EPHA3: variants seen among roughly 807,000 people sequenced by gnomAD.
EPHA3 encodes ephrin type-A receptor 3.
Under a neutral mutation model 107.1 loss-of-function variants are expected in EPHA3, and 42 were observed. The ratio of observed to expected loss-of-function variants is 0.39; its 90% confidence interval spans 0.31 to 0.51. The LOEUF (loss-of-function observed/expected upper bound fraction) is 0.51, where lower values mean the gene tolerates loss of function less well. Ranked by LOEUF, EPHA3 falls within the 20% of genes least tolerant of loss-of-function variation. The pLI, the probability that EPHA3 is intolerant of heterozygous loss-of-function variation, is 0.78. For missense variants in EPHA3, 1,183 were observed against 1,211.2 expected, an observed-to-expected ratio of 0.98 and a Z score of 0.35; for synonymous variants, 461 against 424.8, an observed-to-expected ratio of 1.09 and a Z score of -1.05.
chr3:89,248,488 G>A (rs553483887), intron 3 of EPHA3, among the ~76,000 whole-genome samples: 14 of 152,008 alleles, frequency 9.2e-5, no homozygotes, highest in East Asian at 3.9e-4. Context: ...ATTTCTCTTC[G>A]GCTAATATTT....
intron 15 of EPHA3, among the ~76,000 whole-genome samples, chr3:89,466,819 C>A (rs1443186169): frequency 2.9e-5 from 3 of 102,034 alleles, no homozygotes; most frequent in Admixed American, 9.3e-5. Flanking sequence ...AGCTGTAGAC[C>A]GGAGCTGTTC....
chr3:89,336,015 C>G (rs950800044), intron 3 of EPHA3, among the ~76,000 whole-genome samples: 6 of 152,124 alleles, frequency 3.9e-5, no homozygotes, highest in African/African-American at 1.4e-4. Flanking sequence ...ATAGCTGGGG[C>G]TTTGTATTTT....
intron 2 of EPHA3, among the ~76,000 whole-genome samples, chr3:89,173,194 A>G (rs1705245763): frequency 1.3e-5 from 2 of 152,106 alleles, no homozygotes; most frequent in African/African-American, 4.8e-5. Context: ...AGATGCATCA[A>G]GTATTGAATT....
intron 7 of EPHA3, among the ~76,000 whole-genome samples, chr3:89,406,946 A>G (rs1453897752): frequency 6.6e-6 from 1 of 152,156 alleles, no homozygotes; most frequent in Non-Finnish European, 1.5e-5. Context: ...TGGTTCATTC[A>G]ACGAGTTTTT....
intron 2 of EPHA3, among the ~76,000 whole-genome samples, chr3:89,180,073 G>T (rs1160963174): frequency 6.6e-6 from 1 of 151,526 alleles, no homozygotes; most frequent in East Asian, 1.9e-4. Flanking sequence ...GTAGTTGAGG[G>T]TGTTTAGAAA....
At chr3:89,309,882 C>T (rs73846138) in intron 3 of EPHA3, among the ~76,000 whole-genome samples, 10,213 of 150,544 alleles carry the variant, frequency 0.068, 1,018 homozygotes, top group African/African-American at 0.24. Context: ...CCCCCACCCC[C>T]CACACACAAA....
At chr3:89,166,533 C>T (rs567976303) in intron 2 of EPHA3, among the ~76,000 whole-genome samples, 4 of 152,126 alleles carry the variant, frequency 2.6e-5, no homozygotes, top group East Asian at 1.9e-4. Context: ...TTCATTCAAA[C>T]GTATAAAAAC....
chr3:89,118,053 A>G (rs1027547427), intron 1 of EPHA3, among the ~76,000 whole-genome samples: 1 of 148,088 alleles, frequency 6.8e-6, no homozygotes. Context: ...TCAAAGATGC[A>G]GTATAAAAGG....
In EPHA3 at chr3:89,449,207, A is replaced by G. The variant is rs1473276082; in HGVS notation, c.2347-18A>G. On this transcript the variant is annotated intron_variant, in intron 13 of 16. Transcript: ENST00000336596. ...CTATGCATTGCTGATTTATGTAGACATGATTTTATATTCAAAGGGAGGGAA... is the reference window on the plus strand; with the variant it reads ...CTATGCATTGCTGATTTATGTAGACGTGATTTTATATTCAAAGGGAGGGAA... 2 of 1,596,350 alleles carry G rather than the reference A, an allele frequency of 1.3e-6. No homozygotes were observed. The highest frequency in any genetic ancestry group is 1.7e-6 in the Non-Finnish European group (2 of 1,167,814).
intron 2 of EPHA3, among the ~76,000 whole-genome samples, chr3:89,203,350 CA>C (rs201802144): frequency 2.4e-4 from 35 of 145,816 alleles, no homozygotes; most frequent in African/African-American, 6.7e-4. Flanking sequence ...CAAAACAAAA[CA>C]AAAAAAAAAT....
chr3:89,347,804 A>G lies in EPHA3; in HGVS notation c.1306+5714A>G, dbSNP rs891473300. On this transcript the variant is annotated intron_variant, in intron 5 of 16. Coordinates refer to ENST00000336596, the MANE Select transcript of EPHA3 (RefSeq NM_005233.6). ...AATACGTCCCATCAATACCTAATTT[A>G]TTGAGAGTTTTTAGCATGAAGAGTT... is the stretch of plus-strand genomic sequence containing the variant. Among the ~76,000 whole-genome samples, 10 of 150,890 alleles carry G rather than the reference A, an allele frequency of 6.6e-5. 1 individual carries two copies. The highest frequency in any genetic ancestry group is 2.1e-4 in the South Asian group (1 of 4,800).
At chr3:89,460,837 T>G (rs1328454799) in intron 15 of EPHA3, among the ~76,000 whole-genome samples, 2 of 137,634 alleles carry the variant, frequency 1.5e-5, no homozygotes, top group Non-Finnish European at 3.2e-5. Flanking sequence ...TTTTTTTTTT[T>G]TATTATACTC....
rs188506943 is a variant in EPHA3 at position 89,422,108 on chromosome 3, A to G, written c.2074+2718A>G. On this transcript the variant is annotated intron_variant, in intron 11 of 16. Transcript: ENST00000336596. ...ATTAGATTTTGAACTCCTTGGTGGC[A>G]TATTTATAAGCTCTTAGTCTGGCAC... 3.2e-3 allele frequency among the ~76,000 whole-genome samples: 487 copies of G among 151,142 alleles called. 3 individuals are homozygous for G. The highest frequency in any genetic ancestry group is 5.2e-3 in the Non-Finnish European group (350 of 67,412).
chr3:89,291,590 G>A (rs1316723556), intron 3 of EPHA3, among the ~76,000 whole-genome samples: 1 of 152,136 alleles, frequency 6.6e-6, no homozygotes, highest in Non-Finnish European at 1.5e-5. Flanking sequence ...TTCTTGAGTA[G>A]TAAAATCAAT....
chr3:89,347,160 C>A (rs1188476395), intron 5 of EPHA3, among the ~76,000 whole-genome samples: 3 of 138,430 alleles, frequency 2.2e-5, no homozygotes, highest in African/African-American at 8.3e-5. Context: ...TGAAGAAAGT[C>A]ATTGGTAGCT....
intron 13 of EPHA3, among the ~76,000 whole-genome samples, chr3:89,435,748 C>G (rs144995336): frequency 0.014 from 2,070 of 149,666 alleles, 23 homozygotes; most frequent in Non-Finnish European, 0.02. Flanking sequence ...AGGTCAGAAG[C>G]TCAAGACCAG....
In EPHA3 at chr3:89,136,519, A is replaced by G. The variant is rs114820931; in HGVS notation, c.153+9246A>G. ...AATAGAAGTGATTTTTCTGTTGCTA[A>G]CACTATGTCTCTTTATGAATTGTGT... is the stretch of plus-strand genomic sequence containing the variant. On this transcript the variant is annotated intron_variant, in intron 2 of 16. Coordinates refer to ENST00000336596, the MANE Select transcript of EPHA3 (RefSeq NM_005233.6). 8.6e-3 allele frequency among the ~76,000 whole-genome samples: 1,303 copies of G among 151,586 alleles called. 9 individuals carry two copies. Among genetic ancestry groups the G allele is most frequent in the East Asian group, 0.027 (140 of 5,152 alleles).
intron 3 of EPHA3, among the ~76,000 whole-genome samples, chr3:89,274,483 C>G (rs1376475340): frequency 6.6e-6 from 1 of 151,890 alleles, no homozygotes; most frequent in Non-Finnish European, 1.5e-5. Flanking sequence ...AATCATTAGA[C>G]TTTGTCTAAT....
At chr3:89,407,177 T>TATTA (rs1044734500) in intron 7 of EPHA3, 92 bp from the exon 8 acceptor site, 1 of 849,338 alleles carries the variant, frequency 1.2e-6, no homozygotes, top group African/African-American at 1.7e-5. Flanking sequence ...GTAGAACACA[T>TATTA]ATTAATTAAT....
Sources: gnomAD v4.1 joint callset for allele counts (sites outside exome capture counted in the v4.1 genomes callset) on GRCh38, gnomAD v4.1.1 for gene constraint, MANE v1.5 for transcripts, NCBI Gene and HGNC (gene_info 2026-07-23, HGNC 2026-07-21) for gene names.